The following MYO9A variants were observed in gnomAD, a reference collection of about 807,000 sequenced individuals.
MYO9A encodes myosin IXA.
Under a neutral mutation model 293.3 loss-of-function variants are expected in MYO9A, and 103 were observed. The ratio of observed to expected loss-of-function variants is 0.35; its 90% confidence interval spans 0.30 to 0.41. MYO9A has a LOEUF of 0.41. MYO9A is among the 10% of genes least tolerant of loss of function. MYO9A has a pLI of 1.00. For missense variants in MYO9A, 2,685 were observed against 3,033.0 expected (o/e 0.89, Z 2.69); for synonymous variants, 1,001 against 1,035.7 (o/e 0.97, Z 0.64).
rs770118542 is a variant in MYO9A, at chr15:71,897,566, T to A, written c.4937A>T (p.His1646Leu). 1.9e-6 allele frequency: 3 copies of A among 1,614,190 alleles called. No individual in the cohort carries two copies. The highest frequency in any genetic ancestry group is 2.7e-5 in the African/African-American group (2 of 75,042). The change falls in exon 25 of 42, where the codon CAC (histidine) becomes CTC (leucine). Residue 1646 changes from histidine (H) to leucine (L), a missense_variant. Around this residue, in one of 10 missense-constraint regions of MYO9A, gnomAD observed 1,434 missense variants for 1,497.7 expected, o/e 0.96. Transcript: ENST00000356056. ...LSNNRISKRE[H>L]FRPTQSYSHN... ...GCTGTAAGACTGAGTTGGCCTAAAG[T>A]GTTCTCTTTTTGAAATGCGATTATT...
chr15:72,086,379 T>TTC (rs1596540721), intron 1 of MYO9A, among the ~76,000 whole-genome samples: 2 of 151,750 alleles, frequency 1.3e-5, no homozygotes, highest in East Asian at 3.9e-4. Flanking sequence ...GGGTTCATTG[T>TTC]TCTCTGTGCC....
At chr15:71,862,247 T>G (rs1252557944) in intron 33 of MYO9A, among the ~76,000 whole-genome samples, 1 of 152,138 alleles carries the variant, frequency 6.6e-6, no homozygotes, top group African/African-American at 2.4e-5. Context: ...AATTGAAATA[T>G]TAAGTCATAC....
At chr15:71,945,815 G>A (rs1328939366) in intron 15 of MYO9A, among the ~76,000 whole-genome samples, 2 of 152,072 alleles carry the variant, frequency 1.3e-5, no homozygotes, top group African/African-American at 4.8e-5. Flanking sequence ...CTTAATGTTA[G>A]GGAAAAAGTA....
chr15:71,988,029 T>C (rs2076448255), intron 11 of MYO9A, among the ~76,000 whole-genome samples: 1 of 152,204 alleles, frequency 6.6e-6, no homozygotes. Context: ...GGCCAAGGCA[T>C]TTCTTCTGGC....
intron 1 of MYO9A, among the ~76,000 whole-genome samples, chr15:72,047,556 A>G (rs371265682): frequency 9.9e-5 from 15 of 151,972 alleles, no homozygotes; most frequent in African/African-American, 3.6e-4. Flanking sequence ...TCTTTACCTC[A>G]TCTATCTTAT....
At chr15:71,938,948 G>A in intron 15 of MYO9A, 21 bp from the exon 16 acceptor site, 2 of 1,573,716 alleles carry the variant, frequency 1.3e-6, no homozygotes, top group Non-Finnish European at 1.7e-6. Context: ...TTAAAAAACA[G>A]AAAATTTCAA....
intron 14 of MYO9A, among the ~76,000 whole-genome samples, chr15:71,953,885 T>TTTGTC (rs1191917803): frequency 6.6e-6 from 1 of 151,326 alleles, no homozygotes; most frequent in African/African-American, 2.4e-5. Context: ...TTTGTTTTGT[T>TTTGTC]TTGTTTTGTT....
intron 32 of MYO9A, among the ~76,000 whole-genome samples, chr15:71,866,275 C>A (rs1278776929): frequency 6.6e-6 from 1 of 152,174 alleles, no homozygotes; most frequent in Non-Finnish European, 1.5e-5. Context: ...CGAGTTTATA[C>A]AGACTATGTA....
chr15:71,875,711 C>A, intron 32 of MYO9A, 80 bp downstream of exon 32: 2 of 625,194 alleles, frequency 3.2e-6, no homozygotes, highest in Non-Finnish European at 2.4e-6. Flanking sequence ...TAAATATATC[C>A]ACATATATAT....
At chr15:71,941,108 C>G (rs915099256) in intron 15 of MYO9A, among the ~76,000 whole-genome samples, 5 of 152,032 alleles carry the variant, frequency 3.3e-5, no homozygotes, top group Admixed American at 3.3e-4. Context: ...AAAAATGAAG[C>G]CCTGTGTAGC....
At chr15:71,879,969 G>A in intron 29 of MYO9A, 132 bp from the exon 30 acceptor site, 1 of 649,868 alleles carries the variant, frequency 1.5e-6, no homozygotes, top group Non-Finnish European at 2.7e-6. Flanking sequence ...ATAGGACTCA[G>A]GTGAAAGTTA....
intron 35 of MYO9A, 102 bp from the exon 36 acceptor site, chr15:71,852,362 CTTT>C (rs1159987320): frequency 0.01 from 6,269 of 607,336 alleles, no homozygotes; most frequent in South Asian, 0.014. Context: ...CTTCATGTTT[CTTT>C]TTTTTTTTTT....
At chr15:72,085,642 TA>T (rs2079695452) in intron 1 of MYO9A, among the ~76,000 whole-genome samples, 1 of 152,184 alleles carries the variant, frequency 6.6e-6, no homozygotes. Context: ...CATCTCAGCC[TA>T]GTTCAGAAAC....
intron 39 of MYO9A, among the ~76,000 whole-genome samples, chr15:71,846,069 T>C (rs1332528250): frequency 6.6e-6 from 1 of 152,220 alleles, no homozygotes; most frequent in African/African-American, 2.4e-5. Flanking sequence ...GTATCTGCCC[T>C]GTGAGTTTGA....
intron 39 of MYO9A, among the ~76,000 whole-genome samples, chr15:71,846,825 A>G (rs1281441123): frequency 1.3e-5 from 2 of 152,198 alleles, no homozygotes; most frequent in African/African-American, 4.8e-5. Flanking sequence ...AGATCCTGGT[A>G]TGAGTTCTAG....
chr15:71,931,643 A>G (rs2058479287), intron 18 of MYO9A, among the ~76,000 whole-genome samples: 1 of 152,114 alleles, frequency 6.6e-6, no homozygotes, highest in African/African-American at 2.4e-5. Flanking sequence ...CCCAGGCTTG[A>G]GTAGTTTTCT....
At chr15:71,833,585 C>T (rs2054817973) in intron 39 of MYO9A, among the ~76,000 whole-genome samples, 1 of 152,020 alleles carries the variant, frequency 6.6e-6, no homozygotes, top group Non-Finnish European at 1.5e-5. Flanking sequence ...TTGATATAAG[C>T]AATCTAACAG....
intron 26 of MYO9A, 148 bp from the exon 27 acceptor site, chr15:71,888,264 T>C: frequency 2.2e-6 from 1 of 451,606 alleles, no homozygotes. Context: ...TAATAGAGCC[T>C]ACTGAAAACT....
In MYO9A at chr15:71,899,035, A is replaced by T; in HGVS notation, c.3471-3T>A. 1 of 1,569,808 alleles carries T rather than the reference A, an allele frequency of 6.4e-7. No homozygotes were observed. Among genetic ancestry groups the T allele is most frequent in the Non-Finnish European group, 8.6e-7 (1 of 1,158,198 alleles). On this transcript the variant is annotated splice_polypyrimidine_tract_variant and splice_region_variant and intron_variant, in intron 24 of 41. Transcript: ENST00000356056. ...TTTGTTCTTTTAAAGCTTTAAATCT[A>T]TATAAAAACAGACAAAATGGGTTAT...
Sources: gnomAD v4.1 joint callset for allele counts (sites outside exome capture counted in the v4.1 genomes callset) on GRCh38, gnomAD v4.1.1 for gene constraint, gnomAD v4.1.1 regional missense constraint, MANE v1.5 for transcripts, NCBI Gene and HGNC (gene_info 2026-07-23, HGNC 2026-07-21) for gene names.